Variants in FANCD2OS observed in about 807,000 individuals in gnomAD.
The protein encoded by FANCD2OS is FANCD2 opposite strand.
Under a neutral mutation model 13.2 loss-of-function variants are expected in FANCD2OS, and 11 were observed. That is an observed-to-expected ratio of 0.83 (90% CI 0.52 to 1.38). The LOEUF (loss-of-function observed/expected upper bound fraction) is 1.38, where lower values mean the gene tolerates loss of function less well. Ranked by LOEUF, FANCD2OS falls within the 40% of genes most tolerant of loss-of-function variation. The probability of loss-of-function intolerance (pLI) is 0.00; values close to 1 mark genes in which losing one functional copy is unlikely to be tolerated. For synonymous variants in FANCD2OS, 69 were observed against 84.5 expected (o/e 0.82, Z 1.01); for missense variants, 217 against 213.9 (o/e 1.01, Z -0.09).
downstream of FANCD2OS, chr3:10,098,904 AT>A (rs1695139118): frequency 6.2e-7 from 1 of 1,614,130 alleles, no homozygotes; most frequent in African/African-American, 1.3e-5. Flanking sequence ...TTGCCTACTT[AT>A]GTTTATTGTC....
In FANCD2OS at chr3:10,104,658, G is replaced by A. The variant is rs1559414496; in HGVS notation, c.117C>T (p.Phe39=). 1 of 1,614,210 alleles carries A rather than the reference G, an allele frequency of 6.2e-7. No individual in the cohort carries two copies. Among genetic ancestry groups the A allele is most frequent in the Non-Finnish European group, 8.5e-7 (1 of 1,180,044 alleles). Residue 39 remains phenylalanine (F), a synonymous_variant, in exon 2 of 2, where the codon TTC becomes TTT. Transcript: ENST00000450660. ...CTTCAAGGTCGGACGGTGTGTGTGG[G>A]AAGCAGGGGGAGGCCTTGAATGGGT... ...SKHPFKASPC[F]PHTPSDLEVQ... is the part of the protein sequence containing the mutation.
intron 2 of FANCD2OS, among the ~76,000 whole-genome samples, chr3:10,091,398 G>T (rs1694601114): frequency 6.7e-6 from 1 of 149,662 alleles, no homozygotes; most frequent in Non-Finnish European, 1.5e-5. Flanking sequence ...GTGCAGCCCA[G>T]AAGGCAAAGG....
chr3:10,088,797 T>A (rs761955186), intron 2 of FANCD2OS: 1 of 1,612,396 alleles, frequency 6.2e-7, no homozygotes, highest in Non-Finnish European at 8.5e-7. Context: ...CTTTGTTAAT[T>A]AGTGGGTCAA....
intron 2 of FANCD2OS, among the ~76,000 whole-genome samples, chr3:10,097,864 C>G (rs1056648199): frequency 2.0e-5 from 3 of 152,214 alleles, no homozygotes; most frequent in Non-Finnish European, 2.9e-5. Flanking sequence ...ATTTGGGGAA[C>G]TAATAAATGT....
chr3:10,093,064 G>A (rs1004183748), intron 2 of FANCD2OS, among the ~76,000 whole-genome samples: 15 of 152,092 alleles, frequency 9.9e-5, no homozygotes, highest in African/African-American at 3.4e-4. Flanking sequence ...AACACTCCCA[G>A]TTGGAATCAG....
intron 2 of FANCD2OS, among the ~76,000 whole-genome samples, chr3:10,087,824 T>C (rs937275237): frequency 7.9e-5 from 12 of 152,084 alleles, no homozygotes; most frequent in African/African-American, 1.2e-4. Context: ...AATTTTTGTA[T>C]TTTTAGTGGA....
intron 2 of FANCD2OS, among the ~76,000 whole-genome samples, chr3:10,087,866 C>T (rs1440272998): frequency 2.0e-5 from 3 of 152,060 alleles, no homozygotes; most frequent in African/African-American, 7.2e-5. Flanking sequence ...TCAGGCTGGT[C>T]TCGAACTCCT....
chr3:10,089,781 C>T (rs2125080074), intron 2 of FANCD2OS, among the ~76,000 whole-genome samples: 1 of 152,290 alleles, frequency 6.6e-6, no homozygotes, highest in South Asian at 2.1e-4. Context: ...ATATTTTAGC[C>T]ATCTTGAGAA....
At chr3:10,088,266 C>A (rs1694355064) in intron 2 of FANCD2OS, among the ~76,000 whole-genome samples, 1 of 152,152 alleles carries the variant, frequency 6.6e-6, no homozygotes, top group Non-Finnish European at 1.5e-5. Flanking sequence ...GAGTTTATGT[C>A]TGGCAAAAGG....
chr3:10,105,772 T>TA lies in FANCD2OS; in HGVS notation c.-8-991_-8-990insT, dbSNP rs869146028. 8.6e-3 allele frequency among the ~76,000 whole-genome samples: 190 copies of TA among 22,198 alleles called. 3 individuals are homozygous for TA. Among genetic ancestry groups the TA allele is most frequent in the African/African-American group, 0.016 (87 of 5,414 alleles). The allele number at this position is 22,198 out of a possible 152,430, so 14.6% of individuals were successfully genotyped here. A position where few individuals can be genotyped will look rare whatever the true frequency, so the allele number is the denominator to read the frequency against. On this transcript the variant is annotated intron_variant, in intron 1 of 1. Coordinates refer to ENST00000450660, the MANE Select transcript of FANCD2OS (RefSeq NM_001164839.2). Reference sequence around the variant, plus strand: ...TCTAAAAAAAAAAAAAAAAAAAAAATTATATATATATATATATATATATAT... The same window carrying TA: ...TCTAAAAAAAAAAAAAAAAAAAAAATATATATATATATATATATATATATAT...
downstream of FANCD2OS, chr3:10,101,046 T>A (rs1345143381): frequency 9.8e-6 from 6 of 610,386 alleles, no homozygotes; most frequent in Admixed American, 5.0e-5. Flanking sequence ...TCCAGCCTGG[T>A]GACAGAGCAA....
intron 2 of FANCD2OS, among the ~76,000 whole-genome samples, chr3:10,095,799 C>G (rs1694917629): frequency 6.6e-6 from 1 of 151,992 alleles, no homozygotes; most frequent in African/African-American, 2.4e-5. Flanking sequence ...CAGTCACTGG[C>G]AAACCAAATG....
intron 2 of FANCD2OS, among the ~76,000 whole-genome samples, chr3:10,096,975 A>C (rs1269225077): frequency 3.9e-5 from 6 of 152,180 alleles, no homozygotes; most frequent in African/African-American, 1.2e-4. Flanking sequence ...CAGAGTACAA[A>C]AGAGAGAAAT....
intron 2 of FANCD2OS, chr3:10,088,943 C>A (rs1437773916): frequency 6.2e-7 from 1 of 1,614,154 alleles, no homozygotes; most frequent in South Asian, 1.1e-5. Flanking sequence ...ATTCCCTACA[C>A]TGACCAGGTA....
At chr3:10,081,943 T>C (rs1693865172) in intron 2 of FANCD2OS, among the ~76,000 whole-genome samples, 1 of 152,148 alleles carries the variant, frequency 6.6e-6, no homozygotes, top group African/African-American at 2.4e-5. Context: ...ATACTTTTGT[T>C]CCTCAGGGAC....
intron 2 of FANCD2OS, chr3:10,092,089 C>T (rs1220890072): frequency 1.1e-6 from 1 of 911,112 alleles, no homozygotes; most frequent in Admixed American, 1.7e-5. Flanking sequence ...ATCTGTATAG[C>T]TATGTAATTC....
intron 2 of FANCD2OS, chr3:10,095,204 A>G (rs773182166): frequency 1.1e-5 from 17 of 1,613,036 alleles, no homozygotes; most frequent in Middle Eastern, 1.6e-4. Context: ...TTATAGGAAG[A>G]TGTTCTGAGC....
intron 2 of FANCD2OS, among the ~76,000 whole-genome samples, chr3:10,093,634 G>T (rs1010361334): frequency 6.6e-6 from 1 of 152,196 alleles, no homozygotes; most frequent in Non-Finnish European, 1.5e-5. Context: ...GAGGAAGGAG[G>T]AGTAGATGAT....
intron 2 of FANCD2OS, among the ~76,000 whole-genome samples, chr3:10,097,525 G>C (rs1268007782): frequency 1.3e-5 from 2 of 152,196 alleles, no homozygotes; most frequent in African/African-American, 2.4e-5. Flanking sequence ...ACATGGTTCT[G>C]TTCCGCCCGG....
Sources: allele counts gnomAD v4.1 joint callset (sites outside exome capture counted in the v4.1 genomes callset), GRCh38; gene constraint gnomAD v4.1.1; transcripts MANE v1.5; gene names NCBI Gene and HGNC (gene_info 2026-07-23, HGNC 2026-07-21).